HTT: variants seen among roughly 807,000 people sequenced by gnomAD.
The protein encoded by HTT is huntingtin.
HTT carries 104 observed loss-of-function variants against 362.3 expected under a neutral mutation model. That is an observed-to-expected ratio of 0.29 (90% CI 0.24 to 0.34). The LOEUF (loss-of-function observed/expected upper bound fraction) is 0.34. Among genes scored for constraint, HTT ranks in the 10% least tolerant of loss-of-function variants. HTT has a pLI of 1.00. For missense variants in HTT, 3,301 were observed against 3,928.6 expected, an observed-to-expected ratio of 0.84 and a Z score of 4.27; for synonymous variants, 1,577 against 1,548.7, an observed-to-expected ratio of 1.02 and a Z score of -0.43.
rs1173711892 is a variant in HTT at position 3,172,307 on chromosome 4, T to C, written c.3865-13T>C. 2.0e-6 allele frequency: 3 copies of C among 1,536,540 alleles called. No homozygotes were observed. The highest frequency in any genetic ancestry group is 2.7e-6 in the Non-Finnish European group (3 of 1,109,394). On this transcript the variant is annotated splice_polypyrimidine_tract_variant and intron_variant, in intron 29 of 66. Coordinates refer to ENST00000355072, the MANE Select transcript of HTT (RefSeq NM_001388492.1). ...TCTCTGAGTCGCTTAATGTCTCACT[T>C]GTCTTTCTACAGTGTGTTGAAGAGA... is the stretch of plus-strand genomic sequence containing the variant.
In HTT at chr4:3,148,068, C is replaced by T; in HGVS notation, c.3359C>T (p.Thr1120Ile). The T allele has an allele frequency of 3.7e-6, 6 of 1,614,132 alleles. No individual in the cohort carries two copies. The highest frequency in any genetic ancestry group is 5.1e-6 in the Non-Finnish European group (6 of 1,180,020). Residue 1120 changes from threonine (T) to isoleucine (I), a missense_variant, in exon 26 of 67, where the codon ACC (threonine) becomes ATC (isoleucine). Around this residue, in one of 4 missense-constraint regions of HTT, gnomAD observed 2,316 missense variants for 2,658.5 expected, o/e 0.87. Transcript: ENST00000355072. ...ASEEEANPAA[T>I]KQEEVWPALG... The stretch of plus-strand genomic sequence containing the variant: ...GAAGAAGAAGCCAACCCAGCAGCCA[C>T]CAAGCAAGAGGAGGTCTGGCCAGCC...
At chr4:3,108,223 G>C (rs1714538216) in intron 6 of HTT, among the ~76,000 whole-genome samples, 1 of 152,198 alleles carries the variant, frequency 6.6e-6, no homozygotes, top group Non-Finnish European at 1.5e-5. Context: ...AGCTGCTACT[G>C]CTCTTATTAG....
At chr4:3,193,260 C>T (rs1017358258) in intron 40 of HTT, among the ~76,000 whole-genome samples, 1 of 152,216 alleles carries the variant, frequency 6.6e-6, no homozygotes, top group African/African-American at 2.4e-5. Context: ...AGTTTTTGAG[C>T]CTTACTTGCT....
chr4:3,186,818 T>G, intron 38 of HTT, 99 bp downstream of exon 38: 1 of 1,010,860 alleles, frequency 9.9e-7, no homozygotes, highest in Non-Finnish European at 1.4e-6. Flanking sequence ...TCAGTTTGGG[T>G]AGGGCTTCTT....
intron 40 of HTT, among the ~76,000 whole-genome samples, chr4:3,192,976 A>G (rs192436623): frequency 2.6e-5 from 4 of 152,348 alleles, no homozygotes; most frequent in African/African-American, 9.6e-5. Context: ...GATATTTCCT[A>G]TGAAGAAGAA....
chr4:3,208,884 G>A lies in HTT; in HGVS notation c.6264G>A (p.Val2088=). ...SSHPLDGDGH[V]SLETVSPDKD... is the part of the protein sequence containing the mutation. ...ACCCGCTGGACGGGGATGGGCACGT[G>A]TCACTGGAAACAGTGAGTCCGGACA... Residue 2088 remains valine (V), a synonymous_variant, in exon 46 of 67, where the codon GTG becomes GTA. Coordinates refer to ENST00000355072, the MANE Select transcript of HTT (RefSeq NM_001388492.1). 2 of 1,613,590 alleles carry A rather than the reference G, an allele frequency of 1.2e-6. No individual in the cohort carries two copies. Among genetic ancestry groups the A allele is most frequent in the South Asian group, 1.1e-5 (1 of 90,998 alleles).
rs371791011 is a variant in HTT, at chr4:3,189,065, A to C, written c.5340A>C (p.Leu1780=). 1 of 1,614,176 alleles carries C rather than the reference A, an allele frequency of 6.2e-7. No individual in the cohort carries two copies. Among genetic ancestry groups the C allele is most frequent in the South Asian group, 1.1e-5 (1 of 91,076 alleles). The change falls in exon 40 of 67, where the codon CTA becomes CTC. Residue 1780 remains leucine, a synonymous_variant. Coordinates refer to ENST00000355072, the MANE Select transcript of HTT (RefSeq NM_001388492.1). ...ATTGCCAGGAACTAGGCACACTGCTAATGTGTCTGATCCACATCTTCAAGT... is the reference window on the plus strand; with the variant it reads ...ATTGCCAGGAACTAGGCACACTGCTCATGTGTCTGATCCACATCTTCAAGT... ...TFYCQELGTL[L]MCLIHIFKSG...
At chr4:3,189,671 G>A (rs561796212) in intron 40 of HTT, among the ~76,000 whole-genome samples, 1 of 152,126 alleles carries the variant, frequency 6.6e-6, no homozygotes, top group Non-Finnish European at 1.5e-5. Context: ...AGAAATGAAT[G>A]GTGGTGATGG....
Position 3,222,417 on chromosome 4 carries a change from C to T in HTT, c.7400C>T (p.Thr2467Ile), listed in dbSNP as rs1348307024. Residue 2467 changes from threonine (T) to isoleucine (I), a missense_variant, in exon 54 of 67, where the codon ACT (threonine) becomes ATT (isoleucine). By Grantham distance (89) the Thr-to-Ile change is moderately conservative (BLOSUM62 -1). This residue lies in a region of HTT where 753 missense variants were observed against 1,021.3 expected (regional missense o/e 0.74). Coordinates refer to ENST00000355072, the MANE Select transcript of HTT (RefSeq NM_001388492.1). ...ACCAGTCGTACTCAGTTTGAAGAAACTTGGGCCACCCTCCTTGGTGTCCTG... is the reference window on the plus strand; with the variant it reads ...ACCAGTCGTACTCAGTTTGAAGAAATTTGGGCCACCCTCCTTGGTGTCCTG... ...GWTSRTQFEE[T>I]WATLLGVLVT... is the part of the protein sequence containing the mutation. The T allele has an allele frequency of 6.2e-7, 1 of 1,614,138 alleles. No individual in the cohort carries two copies. The highest frequency in any genetic ancestry group is 1.7e-4 in the Middle Eastern group (1 of 6,052).
chr4:3,219,046 A>G (rs1375103440), intron 52 of HTT, among the ~76,000 whole-genome samples: 1 of 152,198 alleles, frequency 6.6e-6, no homozygotes, highest in Non-Finnish European at 1.5e-5. Context: ...CAGGGAATGA[A>G]GGTATTCCAG....
chr4:3,156,454 T>A (rs974257322), intron 27 of HTT, among the ~76,000 whole-genome samples: 4 of 152,202 alleles, frequency 2.6e-5, no homozygotes, highest in Non-Finnish European at 5.9e-5. Flanking sequence ...TTCTAAGGAT[T>A]GACTGTAGTA....
intron 3 of HTT, among the ~76,000 whole-genome samples, chr4:3,100,093 A>C (rs891562321): frequency 6.6e-6 from 1 of 152,220 alleles, no homozygotes. Flanking sequence ...TAGCCACTGG[A>C]TGCTCCTGGG....
chr4:3,124,095 A>G (rs978083317), intron 10 of HTT, among the ~76,000 whole-genome samples: 2 of 152,264 alleles, frequency 1.3e-5, no homozygotes, highest in South Asian at 2.1e-4. Context: ...TATTTGCGTC[A>G]TCATAGTATG....
chr4:3,159,641 G>C (rs541688121), intron 28 of HTT, among the ~76,000 whole-genome samples: 10 of 152,136 alleles, frequency 6.6e-5, no homozygotes, highest in Non-Finnish European at 1.2e-4. Flanking sequence ...CTTTCACAAG[G>C]GTTCTTAGAT....
chr4:3,131,674 A>G lies in HTT; in HGVS notation c.2135A>G (p.Lys712Arg). 1 of 1,613,974 alleles carries G rather than the reference A, an allele frequency of 6.2e-7. No homozygotes were observed. Residue 712 changes from lysine to arginine, a missense_variant, in exon 16 of 67, where the codon AAG becomes AGG. This residue lies in a region of HTT where 2,316 missense variants were observed against 2,658.5 expected (regional missense o/e 0.87). Coordinates refer to ENST00000355072, the MANE Select transcript of HTT (RefSeq NM_001388492.1). ...VPDRDVRVSV[K>R]ALALSCVGAA... ...GACAGGGATGTGAGGGTCAGCGTGA[A>G]GGCCCTGGCCCTCAGCTGTGTGGGA...
At chr4:3,178,636 AG>A (rs1718356258) in intron 35 of HTT, among the ~76,000 whole-genome samples, 190 bp downstream of exon 35, 1 of 152,226 alleles carries the variant, frequency 6.6e-6, no homozygotes, top group East Asian at 1.9e-4. Flanking sequence ...CTTTACTCTC[AG>A]CAATTTGTAA....
intron 24 of HTT, 97 bp from the exon 25 acceptor site, chr4:3,146,700 T>C (rs1716620338): frequency 9.5e-7 from 1 of 1,055,740 alleles, no homozygotes; most frequent in South Asian, 1.3e-5. Context: ...ATAAAATGTA[T>C]TGTGACATGC....
At chr4:3,230,405 G>T (rs1721195080) in intron 60 of HTT, among the ~76,000 whole-genome samples, 2 of 152,170 alleles carry the variant, frequency 1.3e-5, no homozygotes, top group African/African-American at 4.8e-5. Flanking sequence ...CTGCCCTGAG[G>T]CCTGACTGCC....
Position 3,138,446 on chromosome 4 carries a change from C to T in HTT, c.2799-2064C>T, listed in dbSNP as rs183622325. On this transcript the variant is annotated intron_variant, in intron 21 of 66. Coordinates refer to ENST00000355072, the MANE Select transcript of HTT (RefSeq NM_001388492.1). ...CATTATACCACACTGTATGCCCTTGCGTACCCACAGCTCAGCTCCCACTTC... is the reference window on the plus strand; with the variant it reads ...CATTATACCACACTGTATGCCCTTGTGTACCCACAGCTCAGCTCCCACTTC... Among the ~76,000 whole-genome samples the T allele has an allele frequency of 3.9e-5, 6 of 152,144 alleles. No homozygotes were observed. In the East Asian group the frequency reaches 9.7e-4, roughly 25 times the overall value.
Sources: gnomAD v4.1 joint callset for allele counts (sites outside exome capture counted in the v4.1 genomes callset) on GRCh38, gnomAD v4.1.1 for gene constraint, gnomAD v4.1.1 regional missense constraint, MANE v1.5 for transcripts, NCBI Gene and HGNC (gene_info 2026-07-23, HGNC 2026-07-21) for gene names.